THOC1: variants seen among roughly 807,000 people sequenced by gnomAD.
The protein encoded by THOC1 is THO complex 1.
A neutral mutation model predicts 97.3 loss-of-function variants in THOC1; 29 were observed. The observed-to-expected ratio is 0.30, with a 90% CI of 0.22 to 0.41. The LOEUF is 0.41. Among genes scored for constraint, THOC1 ranks in the 10% least tolerant of loss-of-function variants. The pLI is 1.00. For synonymous variants in THOC1, 255 were observed against 257.0 expected (o/e 0.99, Z 0.07); for missense variants, 529 against 761.9 (o/e 0.69, Z 3.60).
intron 11 of THOC1, among the ~76,000 whole-genome samples, chr18:233,457 A>G (rs1911563379): frequency 6.6e-6 from 1 of 152,190 alleles, no homozygotes; most frequent in Admixed American, 6.5e-5. Flanking sequence ...ATGGTGGCGC[A>G]TGCCTGTAAT....
intron 11 of THOC1, among the ~76,000 whole-genome samples, chr18:230,627 T>G (rs928609242): frequency 7.2e-5 from 11 of 152,240 alleles, no homozygotes; most frequent in Admixed American, 3.9e-4. Context: ...AGAGTAAAAC[T>G]AATACACTCA....
chr18:242,142 C>T lies in THOC1; in HGVS notation c.918+4182G>A, dbSNP rs182974287. On this transcript the variant is annotated intron_variant, in intron 11 of 20. Transcript: ENST00000261600. This position sits in a 1 kb window ranked among gnomAD's most constrained non-coding sequence, Gnocchi z 4.5. ...ATTTTATTTGTAGAACCTCTACCTA[C>T]CTGTAGTTGCCACATGACTGGCCTA... Among the ~76,000 whole-genome samples, 6 of 152,282 alleles carry T rather than the reference C, an allele frequency of 3.9e-5. No homozygotes were observed. Among genetic ancestry groups the T allele is most frequent in the Non-Finnish European group, 7.4e-5 (5 of 68,022 alleles).
intron 11 of THOC1, among the ~76,000 whole-genome samples, chr18:232,492 T>C (rs1184900472): frequency 6.6e-6 from 1 of 151,600 alleles, no homozygotes; most frequent in Non-Finnish European, 1.5e-5. Flanking sequence ...CGTAAAATTA[T>C]CTTATCACCC....
At chr18:235,180 A>G (rs1285342092) in intron 11 of THOC1, among the ~76,000 whole-genome samples, 4 of 150,976 alleles carry the variant, frequency 2.6e-5, no homozygotes, top group Admixed American at 2.6e-4. Context: ...AGTTGTTCAT[A>G]ATATCCTCTT....
intron 5 of THOC1, 72 bp from the exon 6 acceptor site, chr18:259,802 G>A (rs372616817): frequency 9.1e-7 from 1 of 1,102,202 alleles, no homozygotes; most frequent in Non-Finnish European, 1.3e-6. Flanking sequence ...AGTTGCCAGA[G>A]TGAAATATTA....
At chr18:239,845 C>T (rs1227878986) in intron 11 of THOC1, among the ~76,000 whole-genome samples, 1 of 152,096 alleles carries the variant, frequency 6.6e-6, no homozygotes, top group Non-Finnish European at 1.5e-5. Context: ...CCAATTAACA[C>T]AGAGAAAAAA....
intron 1 of THOC1, among the ~76,000 whole-genome samples, chr18:265,866 T>C (rs950234604): frequency 2.0e-5 from 3 of 152,190 alleles, no homozygotes; most frequent in Admixed American, 6.5e-5. Flanking sequence ...TGAAGCTTCA[T>C]AGATCCCTCA....
intron 11 of THOC1, 128 bp downstream of exon 11, chr18:246,196 C>T (rs1207324946): frequency 2.3e-5 from 17 of 755,218 alleles, no homozygotes; most frequent in South Asian, 1.5e-4. Context: ...TAACATTAAT[C>T]AATCAGCTTT....
At chr18:215,606 G>C (rs1377799665) in intron 19 of THOC1, 102 bp from the exon 20 acceptor site, 1 of 915,270 alleles carries the variant, frequency 1.1e-6, no homozygotes. Flanking sequence ...CCAAGTACAG[G>C]GTGCCAGAAC....
intron 9 of THOC1, 39 bp from the exon 10 acceptor site, chr18:247,996 T>C: frequency 4.8e-6 from 6 of 1,262,650 alleles, no homozygotes; most frequent in Non-Finnish European, 6.6e-6. Context: ...ATCATTCAAA[T>C]TCTTTTACAA....
chr18:252,203 G>A (rs758005610), intron 9 of THOC1, among the ~76,000 whole-genome samples: 2 of 152,186 alleles, frequency 1.3e-5, no homozygotes, highest in Admixed American at 6.5e-5. Context: ...TTCATTAAAA[G>A]TTAGCCCAAT....
At chr18:251,014 C>T (rs946549228) in intron 9 of THOC1, among the ~76,000 whole-genome samples, 7 of 151,972 alleles carry the variant, frequency 4.6e-5, no homozygotes, top group East Asian at 1.9e-4. Flanking sequence ...AAAATAATAA[C>T]GATAACAAAT....
chr18:247,323 C>T (rs979862556), intron 10 of THOC1, among the ~76,000 whole-genome samples: 1 of 152,172 alleles, frequency 6.6e-6, no homozygotes, highest in Non-Finnish European at 1.5e-5. Flanking sequence ...TCTTCTAAAA[C>T]AGGATTGGCA....
chr18:260,164 G>A, intron 5 of THOC1, 22 bp downstream of exon 5: 1 of 1,422,254 alleles, frequency 7.0e-7, no homozygotes, highest in Non-Finnish European at 9.4e-7. Flanking sequence ...AAGTTAGCAG[G>A]AAAAGAAACT....
chr18:254,204 G>C lies in THOC1; in HGVS notation c.603+69C>G. 9.1e-7 allele frequency: 1 copy of C among 1,096,612 alleles called. No homozygotes were observed. Among genetic ancestry groups the C allele is most frequent in the South Asian group, 1.3e-5 (1 of 74,926 alleles). The allele number at this position is 1,096,612 out of a possible 1,614,324, so 67.9% of individuals were successfully genotyped here. ...TAGGATTACAAGTGTGAGCCACTGTGCCTGGACCCACTATCTTAATAACAA... is the reference window on the plus strand; with the variant it reads ...TAGGATTACAAGTGTGAGCCACTGTCCCTGGACCCACTATCTTAATAACAA... On this transcript the variant is annotated intron_variant, in intron 8 of 20. Coordinates refer to ENST00000261600, the MANE Select transcript of THOC1 (RefSeq NM_005131.3). This position sits in a 1 kb window ranked among gnomAD's most constrained non-coding sequence, Gnocchi z 4.1.
chr18:222,500 C>A (rs998898404), intron 17 of THOC1, among the ~76,000 whole-genome samples: 2 of 152,062 alleles, frequency 1.3e-5, no homozygotes, highest in African/African-American at 4.8e-5. Context: ...AAAATATAGT[C>A]ATTGAATTTA....
chr18:266,368 A>AT (rs1912768316), intron 1 of THOC1, among the ~76,000 whole-genome samples: 1 of 151,912 alleles, frequency 6.6e-6, no homozygotes, highest in South Asian at 2.1e-4. Context: ...GTTTTTGTAG[A>AT]TTTTTACTAC....
intron 12 of THOC1, chr18:226,485 A>G (rs537202): frequency 0.21 from 47,300 of 227,654 alleles, 5,338 homozygotes; most frequent in African/African-American, 0.23. Flanking sequence ...TCTGCAAATC[A>G]GCTTTGGAGG....
At chr18:217,396 C>T (rs145848261) in intron 18 of THOC1, among the ~76,000 whole-genome samples, 2 of 152,340 alleles carry the variant, frequency 1.3e-5, no homozygotes, top group African/African-American at 4.8e-5. Context: ...TCAAAATTCA[C>T]TGTCAATTAT....
Sources: gnomAD v4.1 joint callset for allele counts (sites outside exome capture counted in the v4.1 genomes callset) on GRCh38, gnomAD v4.1.1 for gene constraint, Gnocchi (gnomAD v3.1) non-coding constraint, MANE v1.5 for transcripts, NCBI Gene and HGNC (gene_info 2026-07-23, HGNC 2026-07-21) for gene names.